Variants in FER observed in about 807,000 individuals in gnomAD.
The protein encoded by FER is tyrosine-protein kinase Fer.
A neutral mutation model predicts 111.0 loss-of-function variants in FER; 63 were observed. The ratio of observed to expected loss-of-function variants is 0.57; its 90% CI spans 0.46 to 0.70. FER has a LOEUF of 0.70. Ranked by LOEUF, FER falls within the 30% of genes least tolerant of loss-of-function variation. The pLI is 0.00. For missense variants in FER, 914 were observed against 954.0 expected (o/e 0.96, Z 0.55); for synonymous variants, 327 against 313.9 (o/e 1.04, Z -0.44).
At chr5:108,933,431 CT>C (rs1243099648) in intron 10 of FER, among the ~76,000 whole-genome samples, 1 of 151,710 alleles carries the variant, frequency 6.6e-6, no homozygotes, top group Non-Finnish European at 1.5e-5. Flanking sequence ...TCTGAGGCCT[CT>C]GTTCTGTTTC....
intron 13 of FER, among the ~76,000 whole-genome samples, chr5:108,979,535 A>G (rs1026958224): frequency 1.3e-5 from 2 of 152,210 alleles, no homozygotes; most frequent in Non-Finnish European, 2.9e-5. Context: ...TACTTTAAGT[A>G]TAGAGAAAGG....
chr5:109,132,711 A>C (rs968619854), intron 17 of FER, among the ~76,000 whole-genome samples: 5 of 152,148 alleles, frequency 3.3e-5, no homozygotes, highest in Non-Finnish European at 7.4e-5. Context: ...CTCTGGGTAG[A>C]GGTTTGGAGG....
chr5:109,176,108 T>G (rs760651982), intron 17 of FER, among the ~76,000 whole-genome samples: 15 of 151,720 alleles, frequency 9.9e-5, no homozygotes, highest in Non-Finnish European at 2.2e-4. Context: ...GGAAGTTTCT[T>G]AAGAAAAAAA....
chr5:109,171,427 G>A (rs1054661915), intron 17 of FER, among the ~76,000 whole-genome samples: 1 of 152,200 alleles, frequency 6.6e-6, no homozygotes, highest in Non-Finnish European at 1.5e-5. Flanking sequence ...GAAGTATTTA[G>A]TGTACAGATT....
At chr5:109,125,843 A>G (rs1751646876) in intron 17 of FER, among the ~76,000 whole-genome samples, 1 of 152,198 alleles carries the variant, frequency 6.6e-6, no homozygotes, top group Admixed American at 6.5e-5. Context: ...TGTTCCTAAT[A>G]TCCTTTTTCC....
At chr5:109,000,335 AAAAC>A (rs1561749194) in intron 13 of FER, among the ~76,000 whole-genome samples, 1 of 152,062 alleles carries the variant, frequency 6.6e-6, no homozygotes, top group African/African-American at 2.4e-5. Context: ...TGTTCTAAGA[AAAAC>A]AAACTCTCTA....
chr5:109,050,632 A>G (rs1165339807), intron 16 of FER, among the ~76,000 whole-genome samples: 2 of 152,238 alleles, frequency 1.3e-5, no homozygotes, highest in African/African-American at 4.8e-5. Context: ...AAGTGATGGT[A>G]ATGATATGGT....
intron 8 of FER, among the ~76,000 whole-genome samples, chr5:108,873,030 A>G (rs913295941): frequency 6.6e-6 from 1 of 152,020 alleles, no homozygotes; most frequent in Admixed American, 6.6e-5. Flanking sequence ...ATAATTAAAC[A>G]ATCTTCTTTC....
At chr5:109,014,256 T>C (rs2149811235) in intron 13 of FER, among the ~76,000 whole-genome samples, 1 of 152,306 alleles carries the variant, frequency 6.6e-6, no homozygotes, top group East Asian at 1.9e-4. Context: ...AATTAATTTT[T>C]GTATGAGGTG....
At chr5:109,041,883 C>T (rs1483215076) in intron 14 of FER, among the ~76,000 whole-genome samples, 1 of 152,066 alleles carries the variant, frequency 6.6e-6, no homozygotes, top group Non-Finnish European at 1.5e-5. Context: ...ACACTGTGTT[C>T]TATCTGCAGG....
At chr5:108,814,399 A>G (rs1036549173) in intron 3 of FER, among the ~76,000 whole-genome samples, 1 of 152,164 alleles carries the variant, frequency 6.6e-6, no homozygotes, top group African/African-American at 2.4e-5. Context: ...TACTCCATAC[A>G]CAGGGGAGGG....
chr5:109,055,031 T>A (rs10477434), intron 16 of FER, among the ~76,000 whole-genome samples: 23,644 of 152,086 alleles, frequency 0.16, 1,898 homozygotes, highest in South Asian at 0.21. Flanking sequence ...ACATATACAG[T>A]CAACTAATTT....
intron 16 of FER, among the ~76,000 whole-genome samples, chr5:109,050,047 A>G (rs1772558039): frequency 6.6e-6 from 1 of 152,210 alleles, no homozygotes; most frequent in African/African-American, 2.4e-5. Flanking sequence ...GGCACGTTTA[A>G]TAGTCCACTC....
At chr5:108,947,236 G>A (rs1010795184) in intron 11 of FER, among the ~76,000 whole-genome samples, 1 of 151,880 alleles carries the variant, frequency 6.6e-6, no homozygotes, top group East Asian at 1.9e-4. Context: ...GGGTTATATG[G>A]TAATAATTCT....
At position 109,088,158 on chromosome 5, in the gene FER, G is replaced by A. The variant is rs150919144; in HGVS notation, c.1925-12238G>A. On this transcript the variant is annotated intron_variant, in intron 16 of 19. Transcript: ENST00000281092. ...AATGTATTACATATTACGGGTCATGGCCACAGATCTAGAGAGAAAGCATTT... is the reference window on the plus strand; with the variant it reads ...AATGTATTACATATTACGGGTCATGACCACAGATCTAGAGAGAAAGCATTT... Among the ~76,000 whole-genome samples the A allele has an allele frequency of 3.9e-5, 6 of 152,072 alleles. No individual in the cohort carries two copies. In the East Asian group the frequency reaches 7.7e-4, roughly 20 times the overall value.
At chr5:108,984,016 A>AT (rs1762297823) in intron 13 of FER, among the ~76,000 whole-genome samples, 2 of 152,098 alleles carry the variant, frequency 1.3e-5, no homozygotes. Context: ...GCAATACAGT[A>AT]AAAAAACAAA....
chr5:109,116,218 T>A (rs755829835), intron 17 of FER, among the ~76,000 whole-genome samples: 5 of 152,080 alleles, frequency 3.3e-5, no homozygotes, highest in Non-Finnish European at 7.4e-5. Flanking sequence ...CTGTAACCTA[T>A]ACTGGGAGAT....
At position 109,191,984 on chromosome 5, in the gene FER, T is replaced by G. The variant is rs1468744021; in HGVS notation, c.*4409T>G. On this transcript the variant is annotated 3_prime_UTR_variant, in exon 20 of 20. Transcript: ENST00000281092. ...AACTATACCTTAGCCATAATTCAAT[T>G]TAATGAAATACTACCCCATTAAAAG... is the stretch of plus-strand genomic sequence containing the variant. 6.6e-6 allele frequency: 1 copy of G among 152,154 alleles called. No homozygotes were observed. The highest frequency in any genetic ancestry group is 2.4e-5 in the African/African-American group (1 of 41,424). 9.4% of individuals were successfully genotyped at this position (152,154 alleles called of 1,614,324 possible).
intron 3 of FER, among the ~76,000 whole-genome samples, chr5:108,827,103 T>C (rs534450537): frequency 2.5e-3 from 380 of 152,322 alleles, no homozygotes; most frequent in African/African-American, 8.6e-3. Context: ...ATGGACTCCA[T>C]GGTTATTGGT....
Sources: allele counts gnomAD v4.1 joint callset (sites outside exome capture counted in the v4.1 genomes callset), GRCh38; gene constraint gnomAD v4.1.1; transcripts MANE v1.5; gene names NCBI Gene and HGNC (gene_info 2026-07-23, HGNC 2026-07-21).